The following AGMO variants were observed in gnomAD, a reference collection of about 807,000 sequenced individuals.
The protein encoded by AGMO is glyceryl-ether monooxygenase.
In AGMO, 75 loss-of-function variants were observed where a neutral mutation model predicts 60.2. That is an observed-to-expected ratio of 1.25 (90% CI 1.03 to 1.51). The LOEUF (loss-of-function observed/expected upper bound fraction) is 1.51, where lower values mean the gene tolerates loss of function less well. Among genes scored for constraint, AGMO ranks in the 40% most tolerant of loss-of-function variants. AGMO has a pLI of 0.00. For missense variants in AGMO, 763 were observed against 525.5 expected (o/e 1.45, Z -4.42); for synonymous variants, 261 against 177.1 (o/e 1.47, Z -3.76).
intron 3 of AGMO, among the ~76,000 whole-genome samples, chr7:15,453,932 T>C (rs1038013682): frequency 6.0e-5 from 9 of 148,822 alleles, no homozygotes; most frequent in Admixed American, 4.7e-4. Flanking sequence ...TGTTTCATTA[T>C]TATATAATAT....
chr7:15,262,904 A>T (rs1325322568), intron 12 of AGMO, among the ~76,000 whole-genome samples: 1 of 152,022 alleles, frequency 6.6e-6, no homozygotes, highest in Non-Finnish European at 1.5e-5. Flanking sequence ...CTGGATCCAC[A>T]TCTCTCACCT....
chr7:15,342,170 G>GT (rs1288166020), intron 12 of AGMO, among the ~76,000 whole-genome samples: 93 of 33,570 alleles, frequency 2.8e-3, no homozygotes, highest in Middle Eastern at 0.042. Flanking sequence ...TACCCACAGA[G>GT]TTAAAAAAAA....
chr7:15,423,002 C>T (rs1480595839), intron 4 of AGMO, among the ~76,000 whole-genome samples: 3 of 152,044 alleles, frequency 2.0e-5, no homozygotes, highest in African/African-American at 4.8e-5. Context: ...AAGTACTCCA[C>T]GAGTAAGCTG....
chr7:15,238,383 G>A (rs1437591879), intron 12 of AGMO, among the ~76,000 whole-genome samples: 2 of 151,592 alleles, frequency 1.3e-5, no homozygotes, highest in African/African-American at 2.4e-5. Context: ...ATAATTTATT[G>A]AATATTTTGA....
intron 3 of AGMO, among the ~76,000 whole-genome samples, chr7:15,458,456 G>C (rs375200691): frequency 6.6e-6 from 1 of 152,122 alleles, no homozygotes; most frequent in Non-Finnish European, 1.5e-5. Flanking sequence ...GCCTAGCCTG[G>C]GAATTTTATT....
Position 15,301,798 on chromosome 7 carries a change from A to T in AGMO, c.1263+63716T>A, listed in dbSNP as rs186661807. ...ATCTTTTTAGAAACACTGTTGTATA[A>T]TATAATATTTTTACTGTTAAATTTT... On this transcript the variant is annotated intron_variant, in intron 12 of 12. Transcript: ENST00000342526. Among the ~76,000 whole-genome samples, 971 of 152,310 alleles carry T rather than the reference A, an allele frequency of 6.4e-3. 6 individuals carry two copies. The highest frequency in any genetic ancestry group is 0.022 in the African/African-American group (906 of 41,568).
intron 3 of AGMO, among the ~76,000 whole-genome samples, chr7:15,460,039 G>A (rs1436334001): frequency 7.3e-5 from 11 of 151,036 alleles, no homozygotes; most frequent in Admixed American, 7.2e-4. Flanking sequence ...GTTTACCTAC[G>A]TACTTTGTAT....
Position 15,387,519 on chromosome 7 carries a change from A to G in AGMO, c.844T>C (p.Trp282Arg), listed in dbSNP as rs1783964894. 4.3e-6 allele frequency: 7 copies of G among 1,612,044 alleles called. No individual in the cohort carries two copies. Among genetic ancestry groups the G allele is most frequent in the Non-Finnish European group, 5.9e-6 (7 of 1,179,414 alleles). ...KVQFHHLFSI[W>R]TTFWATPGFF... ...CCAGGTGTGGCCCAGAATGTAGTCC[A>G]TATGGAAAATAAGTGATGGAACTAG... Residue 282 changes from tryptophan to arginine, a missense_variant, in exon 9 of 13, where the codon TGG (tryptophan) becomes CGG (arginine). Coordinates refer to ENST00000342526, the MANE Select transcript of AGMO (RefSeq NM_001004320.2).
chr7:15,392,235 A>G (rs1159833564), intron 6 of AGMO, among the ~76,000 whole-genome samples: 1 of 150,920 alleles, frequency 6.6e-6, no homozygotes, highest in Non-Finnish European at 1.5e-5. Flanking sequence ...ATACCCGGCT[A>G]ATTTTTCTGT....
rs1161419609 is a variant in AGMO, at chr7:15,540,886, C to A, written c.409+3886G>T. Among the ~76,000 whole-genome samples the A allele has an allele frequency of 2.6e-5, 4 of 152,020 alleles. No individual in the cohort carries two copies. In the South Asian group the frequency reaches 6.2e-4, roughly 24 times the overall value. ...AATGTATAAATTTTAAGTGTACAAC[C>A]AACTCAATGAATTTTTACAAATATA... On this transcript the variant is annotated intron_variant, in intron 3 of 12. Coordinates refer to ENST00000342526, the MANE Select transcript of AGMO (RefSeq NM_001004320.2).
chr7:15,344,315 T>C (rs186323187), intron 12 of AGMO, among the ~76,000 whole-genome samples: 4 of 152,330 alleles, frequency 2.6e-5, no homozygotes, highest in Non-Finnish European at 4.4e-5. Flanking sequence ...CTTACTGAGG[T>C]GCCAACGCAG....
intron 12 of AGMO, among the ~76,000 whole-genome samples, chr7:15,342,172 T>TAAAAAAAAAAAAAAAAAAAAA (rs775057626): frequency 1.1e-4 from 6 of 54,302 alleles, no homozygotes; most frequent in African/African-American, 3.7e-4. Context: ...CCCACAGAGT[T>TAAAAAAAAAAAAAAAAAAAAA]AAAAAAAAAA....
At chr7:15,285,571 GA>G (rs1384043083) in intron 12 of AGMO, among the ~76,000 whole-genome samples, 1 of 152,028 alleles carries the variant, frequency 6.6e-6, no homozygotes, top group Non-Finnish European at 1.5e-5. Context: ...AGAAATCACA[GA>G]TGACACAAAC....
At chr7:15,256,333 AATTTTT>A (rs1391256910) in intron 12 of AGMO, among the ~76,000 whole-genome samples, 6 of 152,228 alleles carry the variant, frequency 3.9e-5, no homozygotes, top group East Asian at 3.9e-4. Flanking sequence ...ACAGAGCTGA[AATTTTT>A]ATTTTTATTT....
At chr7:15,291,445 G>A (rs555013913) in intron 12 of AGMO, among the ~76,000 whole-genome samples, 1 of 152,092 alleles carries the variant, frequency 6.6e-6, no homozygotes, top group Non-Finnish European at 1.5e-5. Context: ...TTCTTCTTAA[G>A]TATGACTCAA....
chr7:15,251,097 C>T (rs1241848408), intron 12 of AGMO, among the ~76,000 whole-genome samples: 5 of 152,036 alleles, frequency 3.3e-5, no homozygotes. Flanking sequence ...TTTGATAGCA[C>T]AACTAGAATA....
chr7:15,356,424 CATAGG>C (rs1176612055), intron 12 of AGMO, among the ~76,000 whole-genome samples: 1 of 151,976 alleles, frequency 6.6e-6, no homozygotes, highest in Non-Finnish European at 1.5e-5. Context: ...TTTTATATAG[CATAGG>C]AAACTATATA....
the AGMO span, among the ~76,000 whole-genome samples, chr7:15,184,990 T>C: frequency 6.6e-6 from 1 of 152,098 alleles, no homozygotes. Flanking sequence ...AAAGCTACAA[T>C]TGAATTGTTT....
chr7:15,152,696 G>C, the AGMO span, among the ~76,000 whole-genome samples: 1 of 152,006 alleles, frequency 6.6e-6, no homozygotes, highest in Non-Finnish European at 1.5e-5. Context: ...ATGGCTGAGT[G>C]GTATTCCATG....
Sources: gnomAD v4.1 joint callset for allele counts (sites outside exome capture counted in the v4.1 genomes callset) on GRCh38, gnomAD v4.1.1 for gene constraint, MANE v1.5 for transcripts, NCBI Gene and HGNC (gene_info 2026-07-23, HGNC 2026-07-21) for gene names.